Variants in HOOK2 observed in about 807,000 individuals in gnomAD.
The protein encoded by HOOK2 is protein Hook homolog 2.
A neutral mutation model predicts 111.9 loss-of-function variants in HOOK2; 108 were observed. That is an observed-to-expected ratio of 0.96 (90% CI 0.83 to 1.13). The LOEUF is 1.13. Among genes scored for constraint, HOOK2 ranks in the 50% most tolerant of loss-of-function variants. HOOK2 has a pLI of 0.00. For missense variants in HOOK2, 978 were observed against 951.3 expected (o/e 1.03, Z -0.37); for synonymous variants, 405 against 394.3 (o/e 1.03, Z -0.32).
upstream of HOOK2, among the ~76,000 whole-genome samples, chr19:12,782,796 G>A (rs1968618618): frequency 6.6e-6 from 1 of 152,154 alleles, no homozygotes; most frequent in South Asian, 2.1e-4. Context: ...CGAAACTTGT[G>A]GCCCCTCGAC....
rs1599509220 is a variant in HOOK2, at chr19:12,775,515, C to T, written c.-66G>A. On this transcript the variant is annotated 5_prime_UTR_variant, in exon 1 of 23. In the 5' UTR this introduces an upstream ATG that the reference lacks. Coordinates refer to ENST00000397668, the MANE Select transcript of HOOK2 (RefSeq NM_013312.3). ...GCCGCAGCAGCCTCCGGGTCCGCCACCAGCGAGCGCCCGCAGCCCCGACCT... is the reference window on the plus strand; with the variant it reads ...GCCGCAGCAGCCTCCGGGTCCGCCATCAGCGAGCGCCCGCAGCCCCGACCT... The T allele has an allele frequency of 6.5e-7, 1 of 1,545,094 alleles. No individual in the cohort carries two copies. The highest frequency in any genetic ancestry group is 8.7e-7 in the Non-Finnish European group (1 of 1,146,530).
chr19:12,774,455 T>C (rs1968432915), intron 3 of HOOK2: 5 of 609,168 alleles, frequency 8.2e-6, no homozygotes, highest in Non-Finnish European at 1.5e-5. Context: ...ACTAGAATGA[T>C]GGCTGTGTGG....
At position 12,763,093 on chromosome 19, in the gene HOOK2, T is replaced by A. The variant is rs77655746; in HGVS notation, c.*189A>T. The A allele has an allele frequency of 0.014, 8,057 of 593,294 alleles. 122 individuals carry two copies. The highest frequency in any genetic ancestry group is 0.016 in the Non-Finnish European group (5,578 of 343,642). The allele number at this position is 593,294 out of a possible 1,614,324, so 36.8% of individuals were successfully genotyped here. A position where few individuals can be genotyped will look rare whatever the true frequency, so the allele number is the denominator to read the frequency against. ...CCAGAGAGAGAATCAACAACAAGAA[T>A]CACATTGCTAAAAAGAACAGGCCTA... is the stretch of plus-strand genomic sequence containing the variant. On this transcript the variant is annotated 3_prime_UTR_variant, in exon 23 of 23. Transcript: ENST00000397668.
chr19:12,789,806 G>A (rs1047308866), intron 3 of HOOK2, among the ~76,000 whole-genome samples: 2 of 151,514 alleles, frequency 1.3e-5, no homozygotes, highest in Non-Finnish European at 3.0e-5. Context: ...AGGCGGCCGT[G>A]GGGGCCCCGG....
chr19:12,765,809 C>T lies in HOOK2; in HGVS notation c.1605+20G>A, dbSNP rs757868852. The T allele has an allele frequency of 1.9e-6, 3 of 1,613,526 alleles. No homozygotes were observed. The highest frequency in any genetic ancestry group is 2.5e-6 in the Non-Finnish European group (3 of 1,179,544). On this transcript the variant is annotated intron_variant, in intron 17 of 22. Coordinates refer to ENST00000397668, the MANE Select transcript of HOOK2 (RefSeq NM_013312.3). Reference sequence around the variant, plus strand: ...CCAGGGTGAGGGTAGGGGGTGCCATCCTGGGCCCATGGTACTTACAATGGC... The same window carrying T: ...CCAGGGTGAGGGTAGGGGGTGCCATTCTGGGCCCATGGTACTTACAATGGC...
upstream of HOOK2, among the ~76,000 whole-genome samples, chr19:12,779,420 G>A (rs1968574149): frequency 6.6e-6 from 1 of 152,140 alleles, no homozygotes; most frequent in Non-Finnish European, 1.5e-5. Context: ...GAGGACTCTG[G>A]CAGGCCCCCT....
At position 12,774,722 on chromosome 19, in the gene HOOK2, C is replaced by T. The variant is rs1324886275; in HGVS notation, c.151G>A (p.Glu51Lys). 1.2e-6 allele frequency: 2 copies of T among 1,614,156 alleles called. No homozygotes were observed. The highest frequency in any genetic ancestry group is 1.7e-6 in the Non-Finnish European group (2 of 1,180,010). ...LNQIDPSWFN[E>K]AWLQGISEDP... ...TCCGAGATGCCCTGGAGCCATGCCTCGTTGAACCAGGAGGGGTCTCTGGGG... is the reference window on the plus strand; with the variant it reads ...TCCGAGATGCCCTGGAGCCATGCCTTGTTGAACCAGGAGGGGTCTCTGGGG... The change falls in exon 3 of 23, where the codon GAG becomes AAG. Residue 51 changes from glutamate (E) to lysine (K), a missense_variant. Physicochemically the swap from Glu to Lys is moderately conservative, Grantham distance 56 (BLOSUM62 1). This residue lies in a region of HOOK2 where 301 missense variants were observed against 286.1 expected (regional missense o/e 1.05). Coordinates refer to ENST00000397668, the MANE Select transcript of HOOK2 (RefSeq NM_013312.3).
At chr19:12,776,075 C>A (rs1168062979), upstream of HOOK2, among the ~76,000 whole-genome samples, 1 of 149,554 alleles carries the variant, frequency 6.7e-6, no homozygotes. Flanking sequence ...GACGGGGTTT[C>A]ACCGTGTTAG....
chr19:12,770,488 G>A (rs553268908), intron 10 of HOOK2, among the ~76,000 whole-genome samples: 13 of 152,016 alleles, frequency 8.6e-5, no homozygotes, highest in African/African-American at 2.7e-4. Flanking sequence ...AGATGCTATA[G>A]GGGCCCAGTG....
intron 13 of HOOK2, 39 bp downstream of exon 13, chr19:12,767,777 C>A (rs925167815): frequency 6.4e-7 from 1 of 1,568,856 alleles, no homozygotes; most frequent in East Asian, 2.2e-5. Flanking sequence ...AAACAGTACA[C>A]CAGGACAGGT....
At chr19:12,779,098 A>T (rs1392438780), upstream of HOOK2, among the ~76,000 whole-genome samples, 8 of 152,136 alleles carry the variant, frequency 5.3e-5, no homozygotes. Flanking sequence ...ATTTGTAGGG[A>T]CACAGAGCCC....
chr19:12,765,142 G>T, intron 18 of HOOK2, 61 bp from the exon 19 acceptor site: 1 of 1,556,646 alleles, frequency 6.4e-7, no homozygotes, highest in Non-Finnish European at 8.9e-7. Context: ...TTTTGTCCCA[G>T]TGGTAGCCAC....
chr19:12,790,486 G>C lies in HOOK2; in HGVS notation n.42-16261C>G, dbSNP rs1338949300. Reference sequence around the variant, plus strand: ...TCAATAGGGGAGGGTTTTAGGATGGGGGACAGAGAATACAGATGACTAAGA... The same window carrying C: ...TCAATAGGGGAGGGTTTTAGGATGGCGGACAGAGAATACAGATGACTAAGA... On this transcript the variant is annotated intron_variant and non_coding_transcript_variant, in intron 3 of 3. Transcript: ENST00000589765. This position sits in a 1 kb window ranked among gnomAD's most constrained non-coding sequence, Gnocchi z 7.2. Among the ~76,000 whole-genome samples, 1 of 152,216 alleles carries C rather than the reference G, an allele frequency of 6.6e-6. No homozygotes were observed. The highest frequency in any genetic ancestry group is 1.5e-5 in the Non-Finnish European group (1 of 68,036).
intron 3 of HOOK2, among the ~76,000 whole-genome samples, chr19:12,789,908 C>T (rs1031569843): frequency 3.3e-5 from 5 of 152,072 alleles, no homozygotes; most frequent in Non-Finnish European, 5.9e-5. Context: ...GCTTCTGGCT[C>T]GGGGCCCCAG....
rs1322383680 is a variant in HOOK2, at chr19:12,767,722, C to CTG, written c.1303+92_1303+93dup. ...TGGTCACCTCCAGCCTGGCCTAGCT[C>CTG]TGTCCCCAACCTAGACATGCACTGG... On this transcript the variant is annotated intron_variant, in intron 13 of 22. Transcript: ENST00000397668. 3 of 1,207,182 alleles carry CTG rather than the reference C, an allele frequency of 2.5e-6. No homozygotes were observed. The East Asian group carries it at 7.5e-5, about 30-fold the overall frequency. The allele number at this position is 1,207,182 out of a possible 1,614,324, so 74.8% of individuals were successfully genotyped here. A position where few individuals can be genotyped will look rare whatever the true frequency, so the allele number is the denominator to read the frequency against.
At chr19:12,775,263 C>A (rs1213017569) in intron 1 of HOOK2, 142 bp downstream of exon 1, 5 of 1,453,016 alleles carry the variant, frequency 3.4e-6, no homozygotes, top group African/African-American at 2.8e-5. Context: ...GGCGGGTGCT[C>A]GGGCCAGAGT....
upstream of HOOK2, among the ~76,000 whole-genome samples, chr19:12,777,618 G>A (rs1263477242): frequency 6.6e-6 from 1 of 152,268 alleles, no homozygotes; most frequent in Non-Finnish European, 1.5e-5. Context: ...CCCTTGCCCA[G>A]CCTGGATCCG....
upstream of HOOK2, among the ~76,000 whole-genome samples, chr19:12,779,360 T>G (rs1385600497): frequency 6.6e-6 from 1 of 152,016 alleles, no homozygotes; most frequent in Non-Finnish European, 1.5e-5. Flanking sequence ...CCTCTGCCAC[T>G]CCCCTGGCTG....
chr19:12,772,320 C>G, intron 6 of HOOK2, 68 bp from the exon 7 acceptor site: 2 of 1,521,266 alleles, frequency 1.3e-6, no homozygotes, highest in Non-Finnish European at 1.8e-6. Context: ...TATCTACTAT[C>G]CAACCTGAGA....
Sources: gnomAD v4.1 joint callset for allele counts (sites outside exome capture counted in the v4.1 genomes callset) on GRCh38, gnomAD v4.1.1 for gene constraint, gnomAD v4.1.1 regional missense constraint, Gnocchi (gnomAD v3.1) non-coding constraint, MANE v1.5 for transcripts, NCBI Gene and HGNC (gene_info 2026-07-23, HGNC 2026-07-21) for gene names.